Variants in LMF1 observed in about 807,000 individuals in gnomAD.
LMF1 encodes transmembrane protein 112.
In LMF1, 68 loss-of-function variants were observed where a neutral mutation model predicts 60.6. That is an observed-to-expected ratio of 1.12 (90% CI 0.92 to 1.37). The LOEUF (loss-of-function observed/expected upper bound fraction) is 1.37, where lower values mean the gene tolerates loss of function less well. LMF1 is among the 40% of genes most tolerant of loss of function. LMF1 has a pLI of 0.00. For synonymous variants in LMF1, 418 were observed against 324.7 expected (o/e 1.29, Z -3.09); for missense variants, 948 against 767.2 (o/e 1.24, Z -2.78).
intron 5 of LMF1, among the ~76,000 whole-genome samples, chr16:892,790 G>A (rs1476774774): frequency 3.9e-5 from 6 of 152,194 alleles, no homozygotes; most frequent in Non-Finnish European, 7.3e-5. Flanking sequence ...AGCTGCACTC[G>A]AGACCATGGA....
chr16:866,023 G>A (rs753117278), intron 10 of LMF1, among the ~76,000 whole-genome samples: 4 of 152,158 alleles, frequency 2.6e-5, no homozygotes, highest in African/African-American at 9.7e-5. Flanking sequence ...TTTATCAGTT[G>A]TGTTCATAAT....
At chr16:981,420 T>C (rs1349053808), upstream of LMF1, 1 of 300,044 alleles carries the variant, frequency 3.3e-6, no homozygotes, top group East Asian at 1.3e-4. Flanking sequence ...ACCCGCTTCC[T>C]AGCTGAGCGT....
intron 3 of LMF1, among the ~76,000 whole-genome samples, chr16:913,104 G>A (rs4984716): frequency 0.3 from 46,394 of 152,174 alleles, 9,122 homozygotes; most frequent in African/African-American, 0.54. Flanking sequence ...AGCTGCACGC[G>A]CTGCCTGCTG....
In LMF1 at chr16:979,750, G is replaced by A. The variant is rs114021772; in HGVS notation, c.-135+1395C>T. On this transcript the variant is annotated intron_variant, in intron 1 of 6. Transcript: ENST00000570014. ...CCCGGATGGCACTGTGAGCCCGAGT[G>A]GGCGATGTCTGCTCTCCCAGGGGCA... is the stretch of plus-strand genomic sequence containing the variant. The A allele has an allele frequency of 6.9e-4, 314 of 454,142 alleles. 1 individual carries two copies. Among genetic ancestry groups the A allele is most frequent in the African/African-American group, 5.7e-3 (287 of 50,144 alleles). 28.1% of individuals were successfully genotyped at this position (454,142 alleles called of 1,614,324 possible).
At chr16:884,346 C>T (rs905788836) in intron 5 of LMF1, among the ~76,000 whole-genome samples, 1 of 152,192 alleles carries the variant, frequency 6.6e-6, no homozygotes, top group Non-Finnish European at 1.5e-5. Context: ...AAAGATGTTA[C>T]AGAGTATGTA....
intron 2 of LMF1, chr16:934,614 C>T (rs1371777816): frequency 1.2e-5 from 4 of 331,782 alleles, no homozygotes; most frequent in South Asian, 8.6e-5. Flanking sequence ...AAGGACATCA[C>T]ATGACCTCGA....
Position 870,049 on chromosome 16 carries a change from G to T in LMF1, c.1250C>A (p.Ala417Glu). 6.2e-7 allele frequency: 1 copy of T among 1,610,118 alleles called. No individual in the cohort carries two copies. The highest frequency in any genetic ancestry group is 8.5e-7 in the Non-Finnish European group (1 of 1,179,622). Residue 417 changes from alanine to glutamate, a missense_variant, in exon 9 of 11, where the codon GCG becomes GAG. Ala to Glu is a moderately radical substitution (Grantham distance 107). Coordinates refer to ENST00000262301, the MANE Select transcript of LMF1 (RefSeq NM_022773.4). ...GGCTGTGCCCTGCAGGATCACCTCC[G>T]CCCGCTCCTTGGTGATGCTGCCGGG... ...GAFGSITKER[A>E]EVILQGTASS...
In LMF1 at chr16:911,080, C is replaced by T. The variant is rs780411890; in HGVS notation, c.515-1G>A. ...GTCTCCAGAAGCTGGGACTCCCATC[C>T]TAAAACAACGAGACATACCAAAGGT... On this transcript the variant is annotated splice_acceptor_variant, in intron 3 of 10. Coordinates refer to ENST00000262301, the MANE Select transcript of LMF1 (RefSeq NM_022773.4). LOFTEE classifies it high-confidence loss of function. 3.1e-6 allele frequency: 5 copies of T among 1,610,522 alleles called. No individual in the cohort carries two copies. The East Asian group carries it at 1.1e-4, about 36-fold the overall frequency.
chr16:964,148 TAGCTGGG>T, intron 1 of LMF1: 1 of 455,740 alleles, frequency 2.2e-6, no homozygotes, highest in South Asian at 1.5e-5. Context: ...CAGAAAGAAA[TAGCTGGG>T]CGTGGCAGCC....
At chr16:956,873 G>C (rs1444640239) in intron 1 of LMF1, among the ~76,000 whole-genome samples, 2 of 150,622 alleles carry the variant, frequency 1.3e-5, no homozygotes, top group Non-Finnish European at 2.9e-5. Flanking sequence ...TAGATTTAAG[G>C]GTCGGGCACG....
chr16:888,135 C>G (rs537577541), intron 5 of LMF1, among the ~76,000 whole-genome samples: 1 of 152,226 alleles, frequency 6.6e-6, no homozygotes, highest in Non-Finnish European at 1.5e-5. Context: ...CAGACAGGCC[C>G]GGCCTCGGCC....
chr16:931,200 C>G (rs556472232), intron 3 of LMF1, among the ~76,000 whole-genome samples: 2 of 152,156 alleles, frequency 1.3e-5, no homozygotes, highest in South Asian at 4.1e-4. Context: ...GTGCAGCCAA[C>G]GCAACCAAGG....
intron 1 of LMF1, among the ~76,000 whole-genome samples, chr16:957,942 A>G (rs545220815): frequency 2.6e-4 from 39 of 152,360 alleles, no homozygotes; most frequent in African/African-American, 8.9e-4. Flanking sequence ...CAGGAATTCC[A>G]GAGCAGCCTG....
intron 1 of LMF1, among the ~76,000 whole-genome samples, chr16:957,932 C>A (rs1391003882): frequency 2.0e-5 from 3 of 152,078 alleles, no homozygotes; most frequent in Non-Finnish European, 4.4e-5. Context: ...CGCTTGAGCC[C>A]AGGAATTCCA....
At chr16:954,333 G>T in intron 2 of LMF1, 24 bp downstream of exon 2, 1 of 1,605,428 alleles carries the variant, frequency 6.2e-7, no homozygotes, top group South Asian at 1.1e-5. Context: ...CCTAAGCTCC[G>T]ACCGCCCCAT....
chr16:867,014 G>T (rs555121343), intron 10 of LMF1, among the ~76,000 whole-genome samples: 50 of 152,280 alleles, frequency 3.3e-4, no homozygotes, highest in African/African-American at 1.2e-3. Flanking sequence ...AGGAACAGGG[G>T]TAAGTGTCTG....
intron 5 of LMF1, among the ~76,000 whole-genome samples, chr16:886,393 G>C (rs889206498): frequency 6.6e-6 from 1 of 152,132 alleles, no homozygotes; most frequent in African/African-American, 2.4e-5. Flanking sequence ...CCCACGGAAG[G>C]TCGGTGTCTC....
intron 1 of LMF1, 146 bp downstream of exon 1, chr16:970,642 C>T (rs989151561): frequency 1.4e-6 from 1 of 733,712 alleles, no homozygotes; most frequent in Non-Finnish European, 2.1e-6. Context: ...CCCTGCCCGC[C>T]CCGCCTTGCC....
chr16:891,219 G>C (rs1456267315), intron 5 of LMF1, among the ~76,000 whole-genome samples: 1 of 152,212 alleles, frequency 6.6e-6, no homozygotes, highest in African/African-American at 2.4e-5. Flanking sequence ...CCGGAGTGCA[G>C]CTGTGGCATG....
Sources: allele counts gnomAD v4.1 joint callset (sites outside exome capture counted in the v4.1 genomes callset), GRCh38; gene constraint gnomAD v4.1.1; transcripts MANE v1.5; gene names NCBI Gene and HGNC (gene_info 2026-07-23, HGNC 2026-07-21).